The following NSRP1 variants were observed in gnomAD, a reference collection of about 807,000 sequenced individuals.
NSRP1 encodes nuclear speckle splicing regulatory protein 1.
In NSRP1, 24 loss-of-function variants were observed where a neutral mutation model predicts 54.7. The ratio of observed to expected loss-of-function variants is 0.44; its 90% CI spans 0.32 to 0.62. The LOEUF is 0.62. Ranked by LOEUF, NSRP1 falls within the 20% of genes least tolerant of loss-of-function variation. The pLI, the probability that NSRP1 is intolerant of heterozygous loss-of-function variation, is 0.06. For synonymous variants in NSRP1, 210 were observed against 213.8 expected, an observed-to-expected ratio of 0.98 and a Z score of 0.15; for missense variants, 596 against 651.2, an observed-to-expected ratio of 0.92 and a Z score of 0.92.
rs565571479 is a variant in NSRP1 at position 30,117,188 on chromosome 17, C to G, written c.20+325C>G. On this transcript the variant is annotated intron_variant, in intron 1 of 6. Transcript: ENST00000247026. The stretch of plus-strand genomic sequence containing the variant: ...TAACCCGCGCTTGAGTTTCTCCCCG[C>G]TTGGATGCTCTCAGGGGCAGTGTGA... The G allele has an allele frequency of 1.8e-4, 127 of 687,574 alleles. 1 individual carries two copies. The East Asian group carries it at 3.4e-3, about 18-fold the overall frequency. The allele number at this position is 687,574 out of a possible 1,614,324, so 42.6% of individuals were successfully genotyped here. A position where few individuals can be genotyped will look rare whatever the true frequency, so the allele number is the denominator to read the frequency against.
At chr17:30,157,410 G>C (rs1402831192) in intron 2 of NSRP1, among the ~76,000 whole-genome samples, 1 of 152,100 alleles carries the variant, frequency 6.6e-6, no homozygotes, top group African/African-American at 2.4e-5. Context: ...AGGGTGATTG[G>C]GGTATCCATC....
At chr17:30,161,881 T>A (rs757054743) in intron 2 of NSRP1, among the ~76,000 whole-genome samples, 2 of 152,198 alleles carry the variant, frequency 1.3e-5, no homozygotes, top group African/African-American at 2.4e-5. Context: ...ATACCATTTT[T>A]AAAATATTTA....
At chr17:30,133,499 T>C (rs1258891865) in intron 2 of NSRP1, among the ~76,000 whole-genome samples, 1 of 152,032 alleles carries the variant, frequency 6.6e-6, no homozygotes, top group Non-Finnish European at 1.5e-5. Flanking sequence ...TGTGCTGTCA[T>C]GTAGGCTTTG....
At chr17:30,176,020 G>A (rs533383389) in intron 3 of NSRP1, among the ~76,000 whole-genome samples, 16 of 150,640 alleles carry the variant, frequency 1.1e-4, no homozygotes, top group African/African-American at 3.9e-4. Flanking sequence ...CAAAAAAAAA[G>A]AAAAAAGAAA....
intron 6 of NSRP1, among the ~76,000 whole-genome samples, chr17:30,182,022 C>T (rs1905319604): frequency 7.1e-6 from 1 of 140,132 alleles, no homozygotes; most frequent in Non-Finnish European, 1.5e-5. Context: ...GCTGGGATTA[C>T]AGGTATGAGC....
intron 6 of NSRP1, among the ~76,000 whole-genome samples, chr17:30,181,545 A>G (rs920851109): frequency 6.7e-6 from 1 of 149,572 alleles, no homozygotes; most frequent in South Asian, 2.1e-4. Context: ...GCAAGCCATC[A>G]TGCCCAGCGA....
chr17:30,122,387 T>TATATATATATA (rs56155916), intron 2 of NSRP1: 4 of 8,856 alleles, frequency 4.5e-4, no homozygotes, highest in Admixed American at 1.9e-3. Flanking sequence ...ATATATATAT[T>TATATATATATA]TTTTTTTTTT....
At chr17:30,180,114 G>A (rs1275245178) in intron 5 of NSRP1, among the ~76,000 whole-genome samples, 1 of 151,722 alleles carries the variant, frequency 6.6e-6, no homozygotes, top group African/African-American at 2.4e-5. Flanking sequence ...TGGCATTACA[G>A]GTGTGAGCCA....
At chr17:30,128,622 T>C (rs2071672127) in intron 2 of NSRP1, among the ~76,000 whole-genome samples, 1 of 151,106 alleles carries the variant, frequency 6.6e-6, no homozygotes, top group Admixed American at 6.7e-5. Context: ...CAATATTTTC[T>C]TTTCTAAAAT....
At chr17:30,146,082 C>G (rs548933340) in intron 2 of NSRP1, among the ~76,000 whole-genome samples, 1 of 152,174 alleles carries the variant, frequency 6.6e-6, no homozygotes, top group African/African-American at 2.4e-5. Flanking sequence ...CTCCTAGCCT[C>G]AAGCAGTTCT....
At chr17:30,138,076 A>G (rs1020168374) in intron 2 of NSRP1, among the ~76,000 whole-genome samples, 1 of 152,296 alleles carries the variant, frequency 6.6e-6, no homozygotes, top group Admixed American at 6.5e-5. Flanking sequence ...AAATTTGACC[A>G]TTCCAGATAC....
intron 2 of NSRP1, among the ~76,000 whole-genome samples, chr17:30,126,850 A>C (rs2071654582): frequency 6.6e-6 from 1 of 152,248 alleles, no homozygotes; most frequent in African/African-American, 2.4e-5. Flanking sequence ...TTGGCCTCCC[A>C]AAGTGCTAGG....
intron 2 of NSRP1, among the ~76,000 whole-genome samples, chr17:30,145,276 G>A (rs911520023): frequency 6.6e-6 from 1 of 151,686 alleles, no homozygotes; most frequent in African/African-American, 2.4e-5. Flanking sequence ...AGATCATAGG[G>A]TATGTATATA....
In NSRP1 at chr17:30,184,679, C is replaced by A. The variant is rs1486252377; in HGVS notation, c.682C>A (p.Pro228Thr). The A allele has an allele frequency of 6.2e-7, 1 of 1,610,310 alleles. No individual in the cohort carries two copies. The highest frequency in any genetic ancestry group is 1.7e-5 in the Admixed American group (1 of 59,448). ...TGAAGTAAGTTCAAAAAACAGAATA[C>A]CACAAGAGAAATGCATTCTTCAAAC... ...SNEVSSKNRIPQEKCILQTDV... is the reference protein window; with the variant it reads ...SNEVSSKNRITQEKCILQTDV... Residue 228 changes from proline to threonine, a missense_variant, in exon 7 of 7, where the codon CCA (proline) becomes ACA (threonine). Pro to Thr is a conservative substitution (Grantham distance 38, BLOSUM62 -1). Coordinates refer to ENST00000247026, the MANE Select transcript of NSRP1 (RefSeq NM_032141.4).
chr17:30,177,041 G>A (rs938288361), intron 3 of NSRP1, among the ~76,000 whole-genome samples: 3 of 151,048 alleles, frequency 2.0e-5, no homozygotes, highest in Non-Finnish European at 3.0e-5. Flanking sequence ...ATTTACAACC[G>A]GGGGCAAAAG....
At chr17:30,153,664 T>C (rs2071934449) in intron 2 of NSRP1, among the ~76,000 whole-genome samples, 1 of 152,048 alleles carries the variant, frequency 6.6e-6, no homozygotes, top group Non-Finnish European at 1.5e-5. Flanking sequence ...AGCCTTGCCA[T>C]TTGTCTGTCT....
chr17:30,173,101 C>G (rs1905014233), intron 3 of NSRP1, among the ~76,000 whole-genome samples: 1 of 151,860 alleles, frequency 6.6e-6, no homozygotes. Context: ...GTAGCTGGGA[C>G]TAAAGGCGCA....
chr17:30,156,629 C>T (rs535414174), intron 2 of NSRP1: 2 of 152,076 alleles, frequency 1.3e-5, no homozygotes, highest in Non-Finnish European at 2.9e-5. Flanking sequence ...AAGCGATTTT[C>T]CTGCCTCAGC....
chr17:30,159,773 C>T (rs1434362113), intron 2 of NSRP1, among the ~76,000 whole-genome samples: 6 of 152,120 alleles, frequency 3.9e-5, no homozygotes, highest in Non-Finnish European at 8.8e-5. Context: ...ACTCTCCTGC[C>T]TCAGCCTCCC....
Sources: gnomAD v4.1 joint callset for allele counts (sites outside exome capture counted in the v4.1 genomes callset) on GRCh38, gnomAD v4.1.1 for gene constraint, MANE v1.5 for transcripts, NCBI Gene and HGNC (gene_info 2026-07-23, HGNC 2026-07-21) for gene names.